Variants in SCARB1 observed in about 807,000 individuals in gnomAD.
SCARB1 encodes CD36 and LIMPII analogous 1.
Under a neutral mutation model 57.2 loss-of-function variants are expected in SCARB1, and 30 were observed. The ratio of observed to expected loss-of-function variants is 0.52; its 90% CI spans 0.39 to 0.71. The LOEUF (loss-of-function observed/expected upper bound fraction) is 0.71, where lower values mean the gene tolerates loss of function less well. Ranked by LOEUF, SCARB1 falls within the 30% of genes least tolerant of loss-of-function variation. SCARB1 has a pLI of 0.00. For missense variants in SCARB1, 543 were observed against 671.2 expected (o/e 0.81, Z 2.11); for synonymous variants, 249 against 268.3 (o/e 0.93, Z 0.70).
chr12:124,791,493 C>T (rs1949727099), intron 9 of SCARB1, among the ~76,000 whole-genome samples: 4 of 152,104 alleles, frequency 2.6e-5, no homozygotes, highest in South Asian at 4.2e-4. Flanking sequence ...GAAAATTACC[C>T]GGCATATAAA....
At position 124,849,568 on chromosome 12, in the gene SCARB1, C is replaced by G. The variant is rs926261497; in HGVS notation, c.126+14027G>C. Among the ~76,000 whole-genome samples, 9 of 152,366 alleles carry G rather than the reference C, an allele frequency of 5.9e-5. No individual in the cohort carries two copies. The South Asian group carries it at 1.0e-3, about 18-fold the overall frequency. ...CCAGGCCCCTTCCACCCTTGCTGCC[C>G]GGGCCCTCCTGGCCTCCATCCAGCT... On this transcript the variant is annotated intron_variant, in intron 1 of 12. Coordinates refer to ENST00000261693, the MANE Select transcript of SCARB1 (RefSeq NM_005505.5).
At chr12:124,806,310 A>T (rs865716) in intron 7 of SCARB1, among the ~76,000 whole-genome samples, 88,325 of 151,812 alleles carry the variant, frequency 0.58, 26,388 homozygotes, top group East Asian at 0.78. Flanking sequence ...GGACAGGGAA[A>T]CAAACTGACG....
intron 1 of SCARB1, among the ~76,000 whole-genome samples, chr12:124,847,769 CTG>C (rs1952222514): frequency 1.3e-5 from 2 of 152,216 alleles, no homozygotes; most frequent in African/African-American, 4.8e-5. Context: ...CAGACTTGCA[CTG>C]TGACTGCCAG....
chr12:124,834,681 G>A (rs1277160972), intron 1 of SCARB1, among the ~76,000 whole-genome samples: 6 of 152,210 alleles, frequency 3.9e-5, no homozygotes. Flanking sequence ...GCAAAGATAG[G>A]AGGATCACTT....
At chr12:124,846,095 G>A (rs73417408) in intron 1 of SCARB1, among the ~76,000 whole-genome samples, 6,722 of 152,296 alleles carry the variant, frequency 0.044, 520 homozygotes, top group African/African-American at 0.15. Flanking sequence ...ATTGCCAGGG[G>A]CTGGGGAGCT....
At chr12:124,794,279 TTA>T (rs1322283725) in intron 9 of SCARB1, among the ~76,000 whole-genome samples, 1 of 151,820 alleles carries the variant, frequency 6.6e-6, no homozygotes, top group African/African-American at 2.4e-5. Context: ...ATTAGGGGGG[TTA>T]TTTTTTTTAT....
chr12:124,854,725 G>A (rs1217067582), intron 1 of SCARB1, among the ~76,000 whole-genome samples: 1 of 152,210 alleles, frequency 6.6e-6, no homozygotes, highest in Admixed American at 6.5e-5. Flanking sequence ...GCAAGATGTT[G>A]GCCCGGGCAA....
At chr12:124,849,608 G>T (rs970098505) in intron 1 of SCARB1, among the ~76,000 whole-genome samples, 1 of 152,202 alleles carries the variant, frequency 6.6e-6, no homozygotes, top group African/African-American at 2.4e-5. Context: ...TGGGACAGTC[G>T]GCCCCACCCA....
intron 1 of SCARB1, among the ~76,000 whole-genome samples, chr12:124,836,684 C>T (rs1412523771): frequency 1.3e-5 from 2 of 151,830 alleles, no homozygotes; most frequent in Non-Finnish European, 2.9e-5. Context: ...GACCCAGGTA[C>T]GTGGAAGGCT....
At chr12:124,857,282 A>G (rs1952679153) in intron 1 of SCARB1, among the ~76,000 whole-genome samples, 1 of 152,240 alleles carries the variant, frequency 6.6e-6, no homozygotes, top group Non-Finnish European at 1.5e-5. Context: ...CCTATTTTAG[A>G]TACTAAAATG....
chr12:124,844,657 C>A (rs562731984), intron 1 of SCARB1, among the ~76,000 whole-genome samples: 1 of 152,182 alleles, frequency 6.6e-6, no homozygotes, highest in East Asian at 1.9e-4. Context: ...GATGTGCGCA[C>A]ACAGGGAGAA....
In SCARB1 at chr12:124,836,222, C is replaced by T. The variant is rs543813310; in HGVS notation, c.127-18515G>A. 6.6e-5 allele frequency among the ~76,000 whole-genome samples: 10 copies of T among 152,332 alleles called. No homozygotes were observed. In the South Asian group the frequency reaches 1.4e-3, roughly 22 times the overall value. On this transcript the variant is annotated intron_variant, in intron 1 of 12. Transcript: ENST00000261693. ...GTAGGAAGAGCTCAGGGACATCACACGTATTCACTGGCACGCACTGGCAAG... is the reference window on the plus strand; with the variant it reads ...GTAGGAAGAGCTCAGGGACATCACATGTATTCACTGGCACGCACTGGCAAG...
In SCARB1 at chr12:124,863,579, G is replaced by A; in HGVS notation, c.126+16C>T. On this transcript the variant is annotated intron_variant, in intron 1 of 12. Transcript: ENST00000261693. ...CCGGGTCCGTGCGCGGACCCCCTGGGGTCTCCCTCACCCACCTTAAGGACC... is the reference window on the plus strand; with the variant it reads ...CCGGGTCCGTGCGCGGACCCCCTGGAGTCTCCCTCACCCACCTTAAGGACC... 1.2e-6 allele frequency: 2 copies of A among 1,600,616 alleles called. No homozygotes were observed. The highest frequency in any genetic ancestry group is 1.1e-5 in the South Asian group (1 of 89,350).
At chr12:124,854,877 G>C (rs1277889845) in intron 1 of SCARB1, among the ~76,000 whole-genome samples, 1 of 152,118 alleles carries the variant, frequency 6.6e-6, no homozygotes, top group Non-Finnish European at 1.5e-5. Context: ...TGGACACTCG[G>C]GGGTGGGGTT....
rs1464070447 is a variant in SCARB1 at position 124,822,672 on chromosome 12, G to C, written c.127-4965C>G. On this transcript the variant is annotated intron_variant, in intron 1 of 12. Transcript: ENST00000261693. The surrounding 1 kb of genome is among the most constrained non-coding windows in gnomAD (Gnocchi z 5.0). Reference sequence around the variant, plus strand: ...GGCCAAGCCAGGAGAATTTCTTGAAGCCAGGAGTTCAAGACCAGCCTGGGC... The same window carrying C: ...GGCCAAGCCAGGAGAATTTCTTGAACCCAGGAGTTCAAGACCAGCCTGGGC... Among the ~76,000 whole-genome samples, 1 of 152,200 alleles carries C rather than the reference G, an allele frequency of 6.6e-6. No individual in the cohort carries two copies. Among genetic ancestry groups the C allele is most frequent in the Non-Finnish European group, 1.5e-5 (1 of 68,032 alleles).
intron 1 of SCARB1, among the ~76,000 whole-genome samples, chr12:124,859,020 G>A (rs1332906737): frequency 6.6e-6 from 1 of 152,014 alleles, no homozygotes. Context: ...GACTATAGGT[G>A]CATGCCACCA....
chr12:124,828,295 C>A (rs993009450), intron 1 of SCARB1, among the ~76,000 whole-genome samples: 21 of 152,104 alleles, frequency 1.4e-4, no homozygotes, highest in Non-Finnish European at 4.4e-5. Flanking sequence ...ACCTCCAAAC[C>A]TAACACCCCG....
Position 124,822,183 on chromosome 12 carries a change from G to C in SCARB1, c.127-4476C>G, listed in dbSNP as rs745783413. 3.3e-5 allele frequency among the ~76,000 whole-genome samples: 5 copies of C among 152,190 alleles called. No homozygotes were observed. The highest frequency in any genetic ancestry group is 5.9e-5 in the Non-Finnish European group (4 of 68,032). ...GGCAGAGGACACAGCCTGTGCAAAG[G>C]CTGGGAAGCCTTTAAGAGCGTGACT... On this transcript the variant is annotated intron_variant, in intron 1 of 12. Coordinates refer to ENST00000261693, the MANE Select transcript of SCARB1 (RefSeq NM_005505.5). This position sits in a 1 kb window ranked among gnomAD's most constrained non-coding sequence, Gnocchi z 5.0.
At chr12:124,848,009 G>T (rs180671453) in intron 1 of SCARB1, among the ~76,000 whole-genome samples, 146 of 152,278 alleles carry the variant, frequency 9.6e-4, no homozygotes, top group Non-Finnish European at 1.5e-3. Context: ...AGAGAAAAGG[G>T]CTGGAGAACA....
Sources: allele counts gnomAD v4.1 joint callset (sites outside exome capture counted in the v4.1 genomes callset), GRCh38; gene constraint gnomAD v4.1.1; non-coding constraint Gnocchi (gnomAD v3.1); transcripts MANE v1.5; gene names NCBI Gene and HGNC (gene_info 2026-07-23, HGNC 2026-07-21).